CCSER1: variants seen among roughly 807,000 people sequenced by gnomAD.
The protein encoded by CCSER1 is coiled-coil serine rich protein 1, also known as serine-rich coiled-coil domain-containing protein 1.
CCSER1 carries 41 observed loss-of-function variants against 82.0 expected under a neutral mutation model. The ratio of observed to expected loss-of-function variants is 0.50; its 90% CI spans 0.39 to 0.65. The LOEUF (loss-of-function observed/expected upper bound fraction) is 0.65. Among genes scored for constraint, CCSER1 ranks in the 30% least tolerant of loss-of-function variants. The probability of loss-of-function intolerance (pLI) is 0.00; values close to 1 mark genes in which losing one functional copy is unlikely to be tolerated. For synonymous variants in CCSER1, 414 were observed against 383.9 expected (o/e 1.08, Z -0.92); for missense variants, 1,119 against 1,064.2 (o/e 1.05, Z -0.72).
intron 10 of CCSER1, among the ~76,000 whole-genome samples, chr4:91,559,581 CTTTATA>C (rs1336928627): frequency 1.3e-5 from 2 of 151,352 alleles, no homozygotes; most frequent in Non-Finnish European, 3.0e-5. Context: ...TTCTGGATTA[CTTTATA>C]TTTATGAATT....
At chr4:91,336,473 C>T (rs1747335614) in intron 10 of CCSER1, among the ~76,000 whole-genome samples, 1 of 151,988 alleles carries the variant, frequency 6.6e-6, no homozygotes, top group African/African-American at 2.4e-5. Flanking sequence ...TAATACATTG[C>T]TATACTTGGA....
rs531596563 is a variant in CCSER1 at position 90,649,003 on chromosome 4, C to A, written c.1932+20771C>A. 3.9e-5 allele frequency among the ~76,000 whole-genome samples: 6 copies of A among 152,068 alleles called. No individual in the cohort carries two copies. In the South Asian group the frequency reaches 8.3e-4, roughly 21 times the overall value. ...CTTACACATTCATCTATGTGCATGG[C>A]GATAAGGCTTGACAGCTTTGCACTG... is the stretch of plus-strand genomic sequence containing the variant. On this transcript the variant is annotated intron_variant, in intron 6 of 10. Transcript: ENST00000509176.
At chr4:91,230,913 T>C (rs1184187862) in intron 10 of CCSER1, among the ~76,000 whole-genome samples, 1 of 151,908 alleles carries the variant, frequency 6.6e-6, no homozygotes, top group Admixed American at 6.6e-5. Flanking sequence ...ATCCATCAGA[T>C]TGGCAGAAAT....
chr4:91,200,532 G>C (rs1735821530), intron 10 of CCSER1, among the ~76,000 whole-genome samples: 1 of 152,054 alleles, frequency 6.6e-6, no homozygotes, highest in Admixed American at 6.6e-5. Flanking sequence ...TCAATACATA[G>C]AAGCCTTCAA....
At chr4:91,450,610 A>G (rs1172169606) in intron 10 of CCSER1, among the ~76,000 whole-genome samples, 1 of 152,034 alleles carries the variant, frequency 6.6e-6, no homozygotes, top group Non-Finnish European at 1.5e-5. Context: ...GAGAGAAGGA[A>G]CCTAAACAGA....
intron 10 of CCSER1, among the ~76,000 whole-genome samples, chr4:91,589,325 G>A (rs897727138): frequency 2.0e-5 from 3 of 151,622 alleles, no homozygotes; most frequent in Non-Finnish European, 2.9e-5. Flanking sequence ...GACTAAAAAA[G>A]GATGAAAAAT....
intron 3 of CCSER1, among the ~76,000 whole-genome samples, chr4:90,342,856 T>C (rs1741653938): frequency 6.6e-6 from 1 of 152,098 alleles, no homozygotes; most frequent in Non-Finnish European, 1.5e-5. Context: ...TCCTTTATTC[T>C]TAAAACATCC....
chr4:90,386,546 A>G (rs1445113126), intron 3 of CCSER1, among the ~76,000 whole-genome samples: 1 of 152,166 alleles, frequency 6.6e-6, no homozygotes, highest in Non-Finnish European at 1.5e-5. Flanking sequence ...AAATACCCTA[A>G]AAATTCTAAA....
At chr4:91,481,957 G>A (rs1757939407) in intron 10 of CCSER1, among the ~76,000 whole-genome samples, 1 of 152,118 alleles carries the variant, frequency 6.6e-6, no homozygotes, top group Non-Finnish European at 1.5e-5. Context: ...AAAAGTGGGT[G>A]AAGGATATGA....
At position 91,547,117 on chromosome 4, in the gene CCSER1, A is replaced by G. The variant is rs147265627; in HGVS notation, c.2218-51455A>G. On this transcript the variant is annotated intron_variant, in intron 10 of 10. Transcript: ENST00000509176. ...TGGGAGTAGACATTGCATGATTTATATTATTTTTAATTTGTTAAGGTGTGT... is the reference window on the plus strand; with the variant it reads ...TGGGAGTAGACATTGCATGATTTATGTTATTTTTAATTTGTTAAGGTGTGT... Among the ~76,000 whole-genome samples, 227 of 151,830 alleles carry G rather than the reference A, an allele frequency of 1.5e-3. 2 individuals carry two copies. The highest frequency in any genetic ancestry group is 5.2e-3 in the African/African-American group (216 of 41,422).
intron 9 of CCSER1, among the ~76,000 whole-genome samples, chr4:90,932,756 A>G (rs1729990504): frequency 7.1e-6 from 1 of 140,590 alleles, no homozygotes; most frequent in African/African-American, 2.7e-5. Context: ...TGAACCCGAG[A>G]GGCAGAGGTT....
At chr4:90,409,617 G>A (rs1050577043) in intron 4 of CCSER1, among the ~76,000 whole-genome samples, 1 of 152,074 alleles carries the variant, frequency 6.6e-6, no homozygotes, top group African/African-American at 2.4e-5. Context: ...CCCTAAAAGT[G>A]CTCCTGAAGG....
chr4:90,932,794 C>T (rs1374116127), intron 9 of CCSER1, among the ~76,000 whole-genome samples: 2 of 136,094 alleles, frequency 1.5e-5, no homozygotes, highest in East Asian at 4.4e-4. Context: ...TGCCACTGTA[C>T]TCCAGGCTGG....
At chr4:90,652,350 G>A (rs1320484595) in intron 6 of CCSER1, among the ~76,000 whole-genome samples, 2 of 152,068 alleles carry the variant, frequency 1.3e-5, no homozygotes, top group South Asian at 2.1e-4. Context: ...TAATAATGTT[G>A]TATATGATTG....
At chr4:91,391,395 G>T (rs1263463855) in intron 10 of CCSER1, among the ~76,000 whole-genome samples, 1 of 152,054 alleles carries the variant, frequency 6.6e-6, no homozygotes, top group Non-Finnish European at 1.5e-5. Flanking sequence ...CTACCTCCTG[G>T]GCTCAAGTGA....
At chr4:91,478,363 ATTGTTC>A (rs1180303737) in intron 10 of CCSER1, among the ~76,000 whole-genome samples, 2 of 151,872 alleles carry the variant, frequency 1.3e-5, no homozygotes, top group African/African-American at 4.8e-5. Flanking sequence ...TTATTACCCA[ATTGTTC>A]TTGTTATAGA....
chr4:91,407,473 GA>G (rs1486321214), intron 10 of CCSER1, among the ~76,000 whole-genome samples: 2 of 152,170 alleles, frequency 1.3e-5, no homozygotes, highest in African/African-American at 4.8e-5. Flanking sequence ...GCACATTAGA[GA>G]GGTAGACAAG....
At chr4:90,447,997 A>G (rs956989316) in intron 4 of CCSER1, among the ~76,000 whole-genome samples, 4 of 152,110 alleles carry the variant, frequency 2.6e-5, no homozygotes, top group African/African-American at 9.7e-5. Context: ...TAATTTTGAC[A>G]TACTTCTCTA....
At chr4:91,595,078 A>T (rs1764502917) in intron 10 of CCSER1, among the ~76,000 whole-genome samples, 1 of 151,750 alleles carries the variant, frequency 6.6e-6, no homozygotes, top group South Asian at 2.1e-4. Flanking sequence ...AAAAAAACCT[A>T]CTCATCCAAT....
Sources: gnomAD v4.1 joint callset for allele counts (sites outside exome capture counted in the v4.1 genomes callset) on GRCh38, gnomAD v4.1.1 for gene constraint, MANE v1.5 for transcripts, NCBI Gene and HGNC (gene_info 2026-07-23, HGNC 2026-07-21) for gene names.